Variants in STXBP4 observed in about 807,000 individuals in gnomAD.
STXBP4 encodes the protein syntaxin-binding protein 4.
Under a neutral mutation model 76.1 loss-of-function variants are expected in STXBP4, and 55 were observed. The ratio of observed to expected loss-of-function variants is 0.72; its 90% CI spans 0.58 to 0.91. The LOEUF is 0.91. STXBP4 is among the 40% of genes least tolerant of loss of function. The pLI is 0.00. For synonymous variants in STXBP4, 201 were observed against 220.2 expected (o/e 0.91, Z 0.77); for missense variants, 618 against 636.9 (o/e 0.97, Z 0.32).
intron 12 of STXBP4, 90 bp from the exon 13 acceptor site, chr17:55,072,810 A>T: frequency 1.8e-6 from 2 of 1,122,072 alleles, no homozygotes; most frequent in Non-Finnish European, 2.4e-6. Context: ...TTTTGGAATT[A>T]TAACTTCCAG....
chr17:55,185,302 TCTCCTTCTCCTTCTCCTTCTCCTTCTC>T, the STXBP4 span, among the ~76,000 whole-genome samples: 87 of 78,592 alleles, frequency 1.1e-3, no homozygotes, highest in African/African-American at 3.1e-3. Flanking sequence ...TCCTTCTCCT[TCTCCTTCTCCTTCTCCTTCTCCTTCTC>T]CTCCTCCTCC....
intron 1 of STXBP4, among the ~76,000 whole-genome samples, chr17:54,970,211 T>C (rs1567864034): frequency 6.6e-6 from 1 of 152,222 alleles, no homozygotes; most frequent in Non-Finnish European, 1.5e-5. Context: ...TTTTAAGCCA[T>C]GTCCAAGGGT....
At chr17:55,181,373 A>T in the STXBP4 span, among the ~76,000 whole-genome samples, 1 of 152,244 alleles carries the variant, frequency 6.6e-6, no homozygotes. Context: ...CTATGATACA[A>T]TGAGAGGATA....
intron 1 of STXBP4, among the ~76,000 whole-genome samples, chr17:54,975,274 T>C (rs2077455985): frequency 6.6e-6 from 1 of 152,202 alleles, no homozygotes; most frequent in African/African-American, 2.4e-5. Context: ...GAGTAGTAGC[T>C]GGGATTACAG....
intron 3 of STXBP4, among the ~76,000 whole-genome samples, chr17:54,990,162 T>A (rs1360299585): frequency 6.6e-6 from 1 of 152,252 alleles, no homozygotes; most frequent in African/African-American, 2.4e-5. Context: ...ATTTAATTGT[T>A]GTTATGTCAC....
At chr17:55,195,428 A>G in the STXBP4 span, among the ~76,000 whole-genome samples, 4 of 152,110 alleles carry the variant, frequency 2.6e-5, no homozygotes, top group Non-Finnish European at 5.9e-5. Flanking sequence ...TTAGCCCTGA[A>G]CTGTGCCTTT....
the STXBP4 span, among the ~76,000 whole-genome samples, chr17:55,182,849 A>T: frequency 6.6e-6 from 1 of 152,214 alleles, no homozygotes; most frequent in Non-Finnish European, 1.5e-5. Flanking sequence ...ATGTCTGGCA[A>T]TAATGGCTTT....
At chr17:55,109,741 T>C (rs2079690077) in intron 16 of STXBP4, among the ~76,000 whole-genome samples, 1 of 151,064 alleles carries the variant, frequency 6.6e-6, no homozygotes, top group African/African-American at 2.4e-5. Flanking sequence ...GCAATTCTCC[T>C]GCCTTAGCCT....
downstream of STXBP4, among the ~76,000 whole-genome samples, chr17:55,175,233 A>T (rs1258397788): frequency 2.6e-5 from 4 of 152,226 alleles, no homozygotes; most frequent in Non-Finnish European, 5.9e-5. Context: ...CCACTGAATT[A>T]TATAGATGTA....
chr17:55,121,458 A>G (rs369412014), intron 16 of STXBP4, among the ~76,000 whole-genome samples: 1 of 152,132 alleles, frequency 6.6e-6, no homozygotes, highest in South Asian at 2.1e-4. Flanking sequence ...ATGAGCAACC[A>G]CAATCTTGAG....
At chr17:55,148,352 A>G (rs1440453226) in intron 17 of STXBP4, among the ~76,000 whole-genome samples, 1 of 152,230 alleles carries the variant, frequency 6.6e-6, no homozygotes, top group African/African-American at 2.4e-5. Context: ...CAAGAATTTT[A>G]AATTATCGTT....
intron 17 of STXBP4, among the ~76,000 whole-genome samples, chr17:55,144,385 C>T (rs1453246423): frequency 1.3e-5 from 2 of 152,136 alleles, no homozygotes; most frequent in African/African-American, 4.8e-5. Flanking sequence ...GAAAGTCTTA[C>T]TTTAATATAT....
intron 17 of STXBP4, among the ~76,000 whole-genome samples, chr17:55,149,864 A>C (rs2080194922): frequency 1.3e-5 from 2 of 152,238 alleles, no homozygotes; most frequent in Non-Finnish European, 2.9e-5. Flanking sequence ...GGTTATTCAG[A>C]ATGGCAAAGC....
At chr17:55,063,596 T>C (rs1425262321) in intron 12 of STXBP4, among the ~76,000 whole-genome samples, 2 of 152,232 alleles carry the variant, frequency 1.3e-5, no homozygotes, top group Non-Finnish European at 2.9e-5. Context: ...CATTTCTAAA[T>C]GCGTGCTTTA....
chr17:55,152,638 T>C (rs972729952), intron 17 of STXBP4, among the ~76,000 whole-genome samples: 1 of 152,116 alleles, frequency 6.6e-6, no homozygotes, highest in Non-Finnish European at 1.5e-5. Flanking sequence ...CAGACGCTTA[T>C]TAAACCATCT....
the STXBP4 span, among the ~76,000 whole-genome samples, chr17:55,194,824 G>A: frequency 6.6e-6 from 1 of 152,196 alleles, no homozygotes; most frequent in Non-Finnish European, 1.5e-5. Context: ...GTAGAGCAGT[G>A]TGAGTTGCAT....
chr17:55,113,687 A>G (rs1245171923), intron 16 of STXBP4, among the ~76,000 whole-genome samples: 1 of 152,176 alleles, frequency 6.6e-6, no homozygotes, highest in Non-Finnish European at 1.5e-5. Context: ...CCTGGAAAGA[A>G]TGAATAAGCC....
intron 4 of STXBP4, among the ~76,000 whole-genome samples, chr17:54,995,306 G>A (rs139580585): frequency 6.5e-4 from 99 of 152,218 alleles, no homozygotes; most frequent in Admixed American, 9.8e-4. Flanking sequence ...TCAGATTTCC[G>A]ACAACACTTT....
intron 8 of STXBP4, among the ~76,000 whole-genome samples, chr17:55,029,265 G>A (rs1026157314): frequency 6.6e-6 from 1 of 151,914 alleles, no homozygotes; most frequent in African/African-American, 2.4e-5. Flanking sequence ...TGAGGTAAAA[G>A]CTTAAATGCA....
Sources: allele counts gnomAD v4.1 joint callset (sites outside exome capture counted in the v4.1 genomes callset), GRCh38; gene constraint gnomAD v4.1.1; transcripts MANE v1.5; gene names NCBI Gene and HGNC (gene_info 2026-07-23, HGNC 2026-07-21).